Variants in LDLRAD4 observed in about 807,000 individuals in gnomAD.
The protein encoded by LDLRAD4 is low density lipoprotein receptor class A domain containing 4.
Under a neutral mutation model 17.0 loss-of-function variants are expected in LDLRAD4, and 5 were observed. That is an observed-to-expected ratio of 0.29 (90% CI 0.15 to 0.62). The LOEUF (loss-of-function observed/expected upper bound fraction) is 0.62, where lower values mean the gene tolerates loss of function less well. Ranked by LOEUF, LDLRAD4 falls within the 20% of genes least tolerant of loss-of-function variation. The pLI is 0.84. For missense variants in LDLRAD4, 340 were observed against 424.7 expected (o/e 0.80, Z 1.75); for synonymous variants, 168 against 171.8 (o/e 0.98, Z 0.17).
rs1468628869 is a variant in LDLRAD4 at position 13,300,201 on chromosome 18, G to A, written c.-383+22013G>A. 6.6e-6 allele frequency among the ~76,000 whole-genome samples: 1 copy of A among 152,210 alleles called. No individual in the cohort carries two copies. Among genetic ancestry groups the A allele is most frequent in the Non-Finnish European group, 1.5e-5 (1 of 68,042 alleles). ...AGAGCCGTGGTTCCAGGGCCAGCAG[G>A]TGCCTCCTTACAGTTGGAGTCTGTC... On this transcript the variant is annotated intron_variant, in intron 1 of 5. Coordinates refer to ENST00000359446, the Ensembl canonical transcript of LDLRAD4. The surrounding 1 kb of genome is among the most constrained non-coding windows in gnomAD (Gnocchi z 4.2).
chr18:13,513,238 T>C (rs910527011), intron 3 of LDLRAD4, among the ~76,000 whole-genome samples: 50 of 152,326 alleles, frequency 3.3e-4, no homozygotes, highest in African/African-American at 1.1e-3. Context: ...CAGCCCTCAC[T>C]GTAATACACT....
intron 1 of LDLRAD4, among the ~76,000 whole-genome samples, chr18:13,335,427 C>T (rs903621428): frequency 1.3e-5 from 2 of 152,198 alleles, no homozygotes; most frequent in African/African-American, 4.8e-5. Context: ...ATAAGGCAGT[C>T]AGTGACATTA....
chr18:13,552,543 T>G (rs943404444), intron 3 of LDLRAD4, among the ~76,000 whole-genome samples: 2 of 152,196 alleles, frequency 1.3e-5, no homozygotes, highest in Non-Finnish European at 2.9e-5. Context: ...CCCCCTGGCC[T>G]CCTCTCTGGT....
intron 1 of LDLRAD4, among the ~76,000 whole-genome samples, chr18:13,336,845 T>A (rs2082126366): frequency 1.3e-5 from 2 of 152,184 alleles, no homozygotes. Flanking sequence ...TTTTAAACAA[T>A]GACAAAATTT....
intron 3 of LDLRAD4, among the ~76,000 whole-genome samples, chr18:13,586,268 C>T (rs1286472689): frequency 2.6e-5 from 4 of 150,994 alleles, no homozygotes; most frequent in African/African-American, 7.4e-5. Flanking sequence ...ATTAGCCGGG[C>T]GTGGTGGCAG....
chr18:13,577,420 C>A (rs2094790880), intron 3 of LDLRAD4, among the ~76,000 whole-genome samples: 1 of 152,046 alleles, frequency 6.6e-6, no homozygotes, highest in Admixed American at 6.6e-5. Context: ...GGGGAACATG[C>A]CTTTGCTCAG....
rs974831071 is a variant in LDLRAD4 at position 13,530,813 on chromosome 18, G to C, written c.182-90304G>C. Among the ~76,000 whole-genome samples the C allele has an allele frequency of 4.0e-5, 6 of 151,638 alleles. No homozygotes were observed. In the East Asian group the frequency reaches 1.2e-3, roughly 29 times the overall value. On this transcript the variant is annotated intron_variant, in intron 3 of 5. Transcript: ENST00000359446. ...GCCCTCGAGCCAGGAGGAAGGGGAT[G>C]GGGGCATGAGAACCATAGCATTTGG...
intron 3 of LDLRAD4, among the ~76,000 whole-genome samples, chr18:13,494,719 C>A (rs1157568423): frequency 1.5e-4 from 6 of 40,644 alleles, no homozygotes; most frequent in African/African-American, 4.1e-4. Context: ...TATATATACA[C>A]ATACACATTG....
intron 1 of LDLRAD4, among the ~76,000 whole-genome samples, chr18:13,386,461 G>A (rs1020506582): frequency 3.3e-5 from 5 of 151,838 alleles, no homozygotes; most frequent in African/African-American, 4.8e-5. Flanking sequence ...CTCGCCTCCC[G>A]GGTTCAAGTG....
chr18:13,560,392 G>A (rs1293706043), intron 3 of LDLRAD4, among the ~76,000 whole-genome samples: 1 of 152,204 alleles, frequency 6.6e-6, no homozygotes, highest in Admixed American at 6.5e-5. Flanking sequence ...GGGGATTCGG[G>A]TCTTTCCCCT....
intron 2 of LDLRAD4, among the ~76,000 whole-genome samples, chr18:13,390,362 C>T (rs1487409502): frequency 6.6e-6 from 1 of 152,228 alleles, no homozygotes; most frequent in East Asian, 1.9e-4. Context: ...CCGCGCGGGG[C>T]ACACTCAGTG....
At chr18:13,437,905 G>A (rs1254638845) in intron 2 of LDLRAD4, among the ~76,000 whole-genome samples, 9 of 152,242 alleles carry the variant, frequency 5.9e-5, no homozygotes, top group Admixed American at 3.9e-4. Flanking sequence ...TTTTCAAACC[G>A]AATAATAGAG....
chr18:13,476,254 T>C (rs1270341275), intron 3 of LDLRAD4, among the ~76,000 whole-genome samples: 2 of 152,208 alleles, frequency 1.3e-5, no homozygotes, highest in Non-Finnish European at 2.9e-5. Flanking sequence ...TACACCTCAC[T>C]GTTTTAAAAA....
intron 3 of LDLRAD4, among the ~76,000 whole-genome samples, chr18:13,456,642 T>A (rs1032255991): frequency 1.3e-5 from 2 of 152,200 alleles, no homozygotes; most frequent in African/African-American, 4.8e-5. Flanking sequence ...CAGTGCAGGG[T>A]CCATGTGCAT....
chr18:13,531,531 A>G (rs936468995), intron 3 of LDLRAD4, among the ~76,000 whole-genome samples: 1 of 148,876 alleles, frequency 6.7e-6, no homozygotes. Flanking sequence ...TCAAGGCTCC[A>G]GTGAGATATG....
chr18:13,328,914 A>G (rs1291671813), intron 1 of LDLRAD4, among the ~76,000 whole-genome samples: 3 of 152,214 alleles, frequency 2.0e-5, no homozygotes, highest in South Asian at 2.1e-4. Flanking sequence ...TCTTTTATGT[A>G]TAAGTTGTGG....
intron 3 of LDLRAD4, among the ~76,000 whole-genome samples, chr18:13,485,875 T>A (rs1255196969): frequency 6.6e-6 from 1 of 152,128 alleles, no homozygotes; most frequent in Non-Finnish European, 1.5e-5. Flanking sequence ...CAAGACCTTG[T>A]CCCTAAGAAA....
chr18:13,645,135 T>C lies in LDLRAD4; in HGVS notation c.399T>C (p.His133=). 1 of 1,607,854 alleles carries C rather than the reference T, an allele frequency of 6.2e-7. No homozygotes were observed. The highest frequency in any genetic ancestry group is 8.5e-7 in the Non-Finnish European group (1 of 1,176,014). ...TCCTCTTTTCCTTCCAGATCATGCATGCCCCGCGGTCCAGGGACAGGTTCA... is the reference window on the plus strand; with the variant it reads ...TCCTCTTTTCCTTCCAGATCATGCACGCCCCGCGGTCCAGGGACAGGTTCA... Residue 133 remains histidine (H), a synonymous_variant, in exon 6 of 6, where the codon CAT becomes CAC. Transcript: ENST00000359446. This position sits in a 1 kb window ranked among gnomAD's most constrained non-coding sequence, Gnocchi z 5.7.
At chr18:13,405,085 A>G (rs1293730195) in intron 2 of LDLRAD4, among the ~76,000 whole-genome samples, 1 of 151,992 alleles carries the variant, frequency 6.6e-6, no homozygotes, top group African/African-American at 2.4e-5. Context: ...CTATTTTGAT[A>G]AACAGAAGGT....
Sources: gnomAD v4.1 joint callset for allele counts (sites outside exome capture counted in the v4.1 genomes callset) on GRCh38, gnomAD v4.1.1 for gene constraint, Gnocchi (gnomAD v3.1) non-coding constraint, MANE v1.5 for transcripts, NCBI Gene and HGNC (gene_info 2026-07-23, HGNC 2026-07-21) for gene names.